SLC8B1: variants seen among roughly 807,000 people sequenced by gnomAD.
The protein encoded by SLC8B1 is mitochondrial sodium/calcium exchanger protein.
SLC8B1 carries 52 observed loss-of-function variants against 63.4 expected under a neutral mutation model. The observed-to-expected ratio is 0.82, with a 90% confidence interval of 0.66 to 1.03. The LOEUF is 1.03. Ranked by LOEUF, SLC8B1 falls within the 50% of genes least tolerant of loss-of-function variation. SLC8B1 has a pLI of 0.00. For synonymous variants in SLC8B1, 336 were observed against 323.9 expected, an observed-to-expected ratio of 1.04 and a Z score of -0.40; for missense variants, 657 against 741.7, an observed-to-expected ratio of 0.89 and a Z score of 1.33.
chr12:113,304,688 G>T (rs1314145043), intron 14 of SLC8B1, among the ~76,000 whole-genome samples: 1 of 152,076 alleles, frequency 6.6e-6, no homozygotes, highest in African/African-American at 2.4e-5. Flanking sequence ...CTGCAGCCTC[G>T]ACCTCCTAGG....
chr12:113,315,610 G>A (rs1032511955), intron 10 of SLC8B1, 134 bp from the exon 11 acceptor site: 10 of 1,106,114 alleles, frequency 9.0e-6, no homozygotes, highest in Admixed American at 8.9e-5. Context: ...TCCAGGCTAA[G>A]TGCCTGGTTG....
rs1319561065 is a variant in SLC8B1, at chr12:113,320,425, C to T, written c.600G>A (p.Arg200=). The T allele has an allele frequency of 6.2e-7, 1 of 1,614,162 alleles. No homozygotes were observed. The change falls in exon 7 of 16, where the codon AGG becomes AGA. Residue 200 remains arginine (R), a synonymous_variant. Coordinates refer to ENST00000680972, the MANE Select transcript of SLC8B1 (RefSeq NM_001358345.2). This position sits in a 1 kb window ranked among gnomAD's most constrained non-coding sequence, Gnocchi z 5.3. ...TILHPFMAAS[R]PFFRDIVFYM... ...AGAAAACGATGTCCCTGAAGAAGGGCCTGGAGGCAGCCATGAAGGGGTGTA... is the reference window on the plus strand; with the variant it reads ...AGAAAACGATGTCCCTGAAGAAGGGTCTGGAGGCAGCCATGAAGGGGTGTA...
At chr12:113,330,187 C>T (rs1465395565) in intron 2 of SLC8B1, among the ~76,000 whole-genome samples, 2 of 152,212 alleles carry the variant, frequency 1.3e-5, no homozygotes, top group Non-Finnish European at 2.9e-5. Context: ...AGGCTCTCTG[C>T]TTCCTGCTAT....
At chr12:113,316,219 C>CT (rs1566233749) in intron 10 of SLC8B1, among the ~76,000 whole-genome samples, 1 of 150,056 alleles carries the variant, frequency 6.7e-6, no homozygotes, top group Non-Finnish European at 1.5e-5. Flanking sequence ...GAGCGAAACT[C>CT]TGTCTCAAAA....
At chr12:113,314,023 A>T (rs537377038) in intron 11 of SLC8B1, among the ~76,000 whole-genome samples, 41 of 151,890 alleles carry the variant, frequency 2.7e-4, no homozygotes, top group Admixed American at 2.2e-3. Flanking sequence ...AAAATAAAAT[A>T]AAAATAAATA....
chr12:113,304,403 A>C lies in SLC8B1; in HGVS notation c.1493-18T>G. 1 of 1,612,898 alleles carries C rather than the reference A, an allele frequency of 6.2e-7. No homozygotes were observed. On this transcript the variant is annotated intron_variant, in intron 14 of 15. Transcript: ENST00000680972. Reference sequence around the variant, plus strand: ...GAGGATGTCTGCAGCCCAGCTCAGGAAGCTTTGCTGGAATGGCCTGCACAT... The same window carrying C: ...GAGGATGTCTGCAGCCCAGCTCAGGCAGCTTTGCTGGAATGGCCTGCACAT...
At chr12:113,318,652 G>A (rs776962140) in intron 8 of SLC8B1, among the ~76,000 whole-genome samples, 4 of 152,092 alleles carry the variant, frequency 2.6e-5, no homozygotes, top group African/African-American at 4.8e-5. Flanking sequence ...TCCCTGTCAC[G>A]GCAGCGTTTG....
intron 15 of SLC8B1, among the ~76,000 whole-genome samples, chr12:113,300,266 T>TCAGGAGTTCGACCTGTATTGGC (rs1956563694): frequency 6.6e-6 from 1 of 152,060 alleles, no homozygotes; most frequent in Non-Finnish European, 1.5e-5. Flanking sequence ...TCACCTGAGG[T>TCAGGAGTTCGACCTGTATTGGC]CAGGAGTTCG....
At chr12:113,306,113 A>G (rs1032473138) in intron 14 of SLC8B1, among the ~76,000 whole-genome samples, 3 of 140,910 alleles carry the variant, frequency 2.1e-5, no homozygotes, top group Admixed American at 1.4e-4. Flanking sequence ...TGGCCCTTTT[A>G]GAAAAAGTCT....
intron 12 of SLC8B1, chr12:113,308,259 T>G (rs1434687758): frequency 5.9e-6 from 1 of 169,124 alleles, no homozygotes; most frequent in Non-Finnish European, 1.3e-5. Flanking sequence ...GGTGGGAGAA[T>G]CGCTTGAACC....
intron 2 of SLC8B1, among the ~76,000 whole-genome samples, chr12:113,325,296 C>G (rs1254232739): frequency 6.6e-6 from 1 of 152,038 alleles, no homozygotes; most frequent in East Asian, 1.9e-4. Context: ...CTTTGTCACT[C>G]AGGCTGGAGT....
At chr12:113,316,180 C>T (rs1437518182) in intron 10 of SLC8B1, among the ~76,000 whole-genome samples, 2 of 151,414 alleles carry the variant, frequency 1.3e-5, no homozygotes, top group African/African-American at 4.9e-5. Flanking sequence ...GCCGAGACCG[C>T]GCCACTGCAC....
chr12:113,323,756 T>C (rs780462723), intron 2 of SLC8B1, among the ~76,000 whole-genome samples: 1 of 152,018 alleles, frequency 6.6e-6, no homozygotes, highest in Non-Finnish European at 1.5e-5. Flanking sequence ...TTTTAGGTTA[T>C]GTGTATTTCA....
intron 11 of SLC8B1, among the ~76,000 whole-genome samples, chr12:113,312,158 G>A (rs530047643): frequency 3.3e-5 from 5 of 152,056 alleles, no homozygotes; most frequent in Non-Finnish European, 7.4e-5. Flanking sequence ...CCTTGGCTGG[G>A]TGCGGTGGCT....
intron 2 of SLC8B1, among the ~76,000 whole-genome samples, chr12:113,323,076 T>C (rs1028365281): frequency 2.0e-5 from 3 of 152,148 alleles, no homozygotes; most frequent in Non-Finnish European, 4.4e-5. Context: ...AGCTGGGATA[T>C]TTATACACCA....
chr12:113,332,066 G>A (rs1957063020), intron 2 of SLC8B1, among the ~76,000 whole-genome samples: 1 of 152,032 alleles, frequency 6.6e-6, no homozygotes, highest in Non-Finnish European at 1.5e-5. Context: ...TGTTCCCTTT[G>A]CCCAGAATGC....
intron 12 of SLC8B1, among the ~76,000 whole-genome samples, chr12:113,309,747 C>A (rs564576439): frequency 1.3e-5 from 2 of 151,962 alleles, no homozygotes; most frequent in East Asian, 1.9e-4. Flanking sequence ...CAGAGGGAGA[C>A]CCTGTCTCAA....
rs1260861173 is a variant in SLC8B1 at position 113,320,249 on chromosome 12, C to T, written c.694+82G>A. 6.6e-7 allele frequency: 1 copy of T among 1,508,312 alleles called. No individual in the cohort carries two copies. Among genetic ancestry groups the T allele is most frequent in the East Asian group, 2.3e-5 (1 of 44,208 alleles). The allele number at this position is 1,508,312 out of a possible 1,614,324, so 93.4% of individuals were successfully genotyped here. The stretch of plus-strand genomic sequence containing the variant: ...ATCAAAGCCCCCACTGACCACCCCT[C>T]ACACCTCTCTGTCCCAGGCACCTCC... On this transcript the variant is annotated intron_variant, in intron 7 of 15. Coordinates refer to ENST00000680972, the MANE Select transcript of SLC8B1 (RefSeq NM_001358345.2). This position sits in a 1 kb window ranked among gnomAD's most constrained non-coding sequence, Gnocchi z 5.3.
chr12:113,308,190 T>C, intron 12 of SLC8B1: 1 of 213,472 alleles, frequency 4.7e-6, no homozygotes, highest in South Asian at 6.3e-5. Context: ...CTACTAAAAA[T>C]ACAAAAATTA....
Sources: allele counts gnomAD v4.1 joint callset (sites outside exome capture counted in the v4.1 genomes callset), GRCh38; gene constraint gnomAD v4.1.1; non-coding constraint Gnocchi (gnomAD v3.1); transcripts MANE v1.5; gene names NCBI Gene and HGNC (gene_info 2026-07-23, HGNC 2026-07-21).